Variants in TRAPPC9 observed in about 807,000 individuals in gnomAD.
TRAPPC9 encodes IKK2 binding protein.
A neutral mutation model predicts 124.0 loss-of-function variants in TRAPPC9; 83 were observed. The observed-to-expected ratio is 0.67, with a 90% CI of 0.56 to 0.80. TRAPPC9 has a LOEUF of 0.80. Among genes scored for constraint, TRAPPC9 ranks in the 30% least tolerant of loss-of-function variants. The probability of loss-of-function intolerance (pLI) is 0.00; values close to 1 mark genes in which losing one functional copy is unlikely to be tolerated. For synonymous variants in TRAPPC9, 638 were observed against 617.5 expected, an observed-to-expected ratio of 1.03 and a Z score of -0.49; for missense variants, 1,302 against 1,508.3, an observed-to-expected ratio of 0.86 and a Z score of 2.27.
At chr8:139,929,623 G>T (rs527345430) in intron 19 of TRAPPC9, among the ~76,000 whole-genome samples, 2 of 152,246 alleles carry the variant, frequency 1.3e-5, no homozygotes, top group Non-Finnish European at 2.9e-5. Context: ...GCTTCTTCCT[G>T]AGCTACAGGC....
rs554391609 is a variant in TRAPPC9 at position 139,765,033 on chromosome 8, C to T, written c.3056-32831G>A. ...ATAAGACAATTCATTCTAAAGGAGA[C>T]ACTCCGTCACCTTCTTGCCAGTCTC... On this transcript the variant is annotated intron_variant, in intron 21 of 22. Coordinates refer to ENST00000438773, the MANE Select transcript of TRAPPC9 (RefSeq NM_001160372.4). Among the ~76,000 whole-genome samples the T allele has an allele frequency of 9.2e-5, 14 of 152,338 alleles. No individual in the cohort carries two copies. In the South Asian group the frequency reaches 2.9e-3, roughly 32 times the overall value.
At chr8:140,006,762 T>C (rs1838782152) in intron 18 of TRAPPC9, among the ~76,000 whole-genome samples, 2 of 152,016 alleles carry the variant, frequency 1.3e-5, no homozygotes, top group African/African-American at 4.8e-5. Flanking sequence ...ATATCTAGAG[T>C]AAGCAAATCT....
At chr8:139,922,384 A>G (rs2131342278) in intron 19 of TRAPPC9, among the ~76,000 whole-genome samples, 1 of 152,334 alleles carries the variant, frequency 6.6e-6, no homozygotes, top group Middle Eastern at 3.4e-3. Flanking sequence ...CGGTTTCACC[A>G]TATTGGCCAG....
intron 21 of TRAPPC9, among the ~76,000 whole-genome samples, chr8:139,880,869 T>C (rs976408351): frequency 1.3e-5 from 2 of 152,242 alleles, no homozygotes; most frequent in African/African-American, 4.8e-5. Flanking sequence ...GGCCCTGGCC[T>C]TGGCAGGTGC....
intron 17 of TRAPPC9, among the ~76,000 whole-genome samples, chr8:140,038,836 C>T (rs963905376): frequency 6.6e-6 from 1 of 152,216 alleles, no homozygotes; most frequent in Non-Finnish European, 1.5e-5. Flanking sequence ...AGAGGCCCTC[C>T]TCGGAGCCTC....
At chr8:140,225,888 C>T (rs1290475350) in intron 16 of TRAPPC9, among the ~76,000 whole-genome samples, 1 of 152,228 alleles carries the variant, frequency 6.6e-6, no homozygotes, top group African/African-American at 2.4e-5. Flanking sequence ...TCGCAAATTA[C>T]ACCAACGCTT....
At chr8:140,199,562 ATC>A (rs1587909020) in intron 17 of TRAPPC9, among the ~76,000 whole-genome samples, 2 of 73,538 alleles carry the variant, frequency 2.7e-5, no homozygotes, top group East Asian at 8.5e-4. Context: ...CTCAATAAAT[ATC>A]TGCTCCTACG....
chr8:139,865,715 C>A (rs1308735090), intron 21 of TRAPPC9, among the ~76,000 whole-genome samples: 2 of 152,164 alleles, frequency 1.3e-5, no homozygotes, highest in East Asian at 3.9e-4. Context: ...CCAAGAGAAC[C>A]CAGTTGGTCC....
intron 21 of TRAPPC9, among the ~76,000 whole-genome samples, chr8:139,878,345 T>C (rs2131076302): frequency 6.6e-6 from 1 of 152,286 alleles, no homozygotes; most frequent in Middle Eastern, 3.4e-3. Flanking sequence ...TGCACAAAAA[T>C]GAATTAGAGG....
At chr8:139,935,669 C>CTTTTTTTTTTTTTTTT (rs377706417) in intron 19 of TRAPPC9, among the ~76,000 whole-genome samples, 2 of 132,570 alleles carry the variant, frequency 1.5e-5, no homozygotes, top group Non-Finnish European at 3.2e-5. Context: ...TCAGTCTTTG[C>CTTTTTTTTTTTTTTTT]TTTTTTTTTT....
chr8:140,317,728 C>T (rs114107011), intron 9 of TRAPPC9, among the ~76,000 whole-genome samples: 3,527 of 152,274 alleles, frequency 0.023, 132 homozygotes, highest in African/African-American at 0.079. Context: ...ATTACATTTA[C>T]TGAGCACTTA....
intron 20 of TRAPPC9, 78 bp downstream of exon 20, chr8:139,910,069 C>A: frequency 6.5e-7 from 1 of 1,539,562 alleles, no homozygotes; most frequent in Non-Finnish European, 8.9e-7. Flanking sequence ...ATAGCTAAGA[C>A]CCTCACGGGT....
At chr8:140,045,069 C>A (rs1164072372) in intron 17 of TRAPPC9, among the ~76,000 whole-genome samples, 1 of 152,158 alleles carries the variant, frequency 6.6e-6, no homozygotes. Flanking sequence ...AAGTCACCAC[C>A]AAGGCATTTG....
chr8:139,761,696 G>T (rs1820237245), intron 21 of TRAPPC9, among the ~76,000 whole-genome samples: 1 of 152,002 alleles, frequency 6.6e-6, no homozygotes, highest in South Asian at 2.1e-4. Flanking sequence ...TCCAGGTGCT[G>T]GGTCACCCCC....
chr8:140,401,699 T>C (rs935661435), intron 6 of TRAPPC9, among the ~76,000 whole-genome samples: 2 of 152,096 alleles, frequency 1.3e-5, no homozygotes, highest in African/African-American at 4.8e-5. Context: ...TCACAGCTCA[T>C]CGTAGCCTCA....
intron 9 of TRAPPC9, among the ~76,000 whole-genome samples, chr8:140,312,521 G>A (rs1209592338): frequency 1.3e-5 from 2 of 152,026 alleles, no homozygotes; most frequent in Non-Finnish European, 2.9e-5. Context: ...TGGCAGATAC[G>A]GTGCACTGAA....
intron 18 of TRAPPC9, among the ~76,000 whole-genome samples, chr8:139,998,412 T>G (rs959326901): frequency 6.6e-6 from 1 of 152,186 alleles, no homozygotes; most frequent in Non-Finnish European, 1.5e-5. Context: ...AATTTCCTAT[T>G]AAGTTACTTA....
At chr8:139,953,435 T>G (rs1834781531) in intron 19 of TRAPPC9, among the ~76,000 whole-genome samples, 2 of 152,172 alleles carry the variant, frequency 1.3e-5, no homozygotes, top group African/African-American at 4.8e-5. Flanking sequence ...AGAGTTGCAG[T>G]GAGCCGAGAT....
At chr8:140,311,559 G>A (rs1588135837) in intron 9 of TRAPPC9, among the ~76,000 whole-genome samples, 185 bp from the exon 10 acceptor site, 2 of 152,144 alleles carry the variant, frequency 1.3e-5, no homozygotes, top group African/African-American at 2.4e-5. Context: ...GAAAATCACC[G>A]GCACTGCTCC....
Sources: gnomAD v4.1 joint callset for allele counts (sites outside exome capture counted in the v4.1 genomes callset) on GRCh38, gnomAD v4.1.1 for gene constraint, MANE v1.5 for transcripts, NCBI Gene and HGNC (gene_info 2026-07-23, HGNC 2026-07-21) for gene names.